The following MYO15A variants were observed in gnomAD, a reference collection of about 807,000 sequenced individuals.
MYO15A encodes the protein unconventional myosin-XV.
Under a neutral mutation model 394.6 loss-of-function variants are expected in MYO15A, and 308 were observed. That is an observed-to-expected ratio of 0.78 (90% CI 0.71 to 0.86). The LOEUF is 0.86. Ranked by LOEUF, MYO15A falls within the 40% of genes least tolerant of loss-of-function variation. The probability of loss-of-function intolerance (pLI) is 0.00; values close to 1 mark genes in which losing one functional copy is unlikely to be tolerated. For missense variants in MYO15A, 4,606 were observed against 4,799.1 expected (o/e 0.96, Z 1.19); for synonymous variants, 1,957 against 2,003.8 (o/e 0.98, Z 0.62).
chr17:18,159,832 G>A (rs558066737), intron 55 of MYO15A, 103 bp from the exon 56 acceptor site: 178 of 1,466,044 alleles, frequency 1.2e-4, no homozygotes, highest in Non-Finnish European at 1.5e-4. Context: ...CTGGGAAAGG[G>A]ACACCAGGCC....
chr17:18,169,157 T>TAATAAA (rs369888022), intron 62 of MYO15A, among the ~76,000 whole-genome samples: 4,806 of 91,492 alleles, frequency 0.053, 110 homozygotes, highest in Admixed American at 0.086. Flanking sequence ...ATAATAATAA[T>TAATAAA]AAAAATAGGC....
chr17:18,136,350 C>A, intron 13 of MYO15A, 67 bp from the exon 14 acceptor site: 1 of 1,591,514 alleles, frequency 6.3e-7, no homozygotes, highest in Non-Finnish European at 8.6e-7. Flanking sequence ...CTCCCTTAGT[C>A]CCCTGGGGGC....
intron 51 of MYO15A, 39 bp from the exon 52 acceptor site, chr17:18,158,484 T>A (rs2142390952): frequency 6.3e-7 from 1 of 1,576,206 alleles, no homozygotes; most frequent in African/African-American, 1.3e-5. Flanking sequence ...AGGCGTGGTG[T>A]GGCCGGACTG....
intron 3 of MYO15A, 192 bp from the exon 4 acceptor site, chr17:18,124,976 A>T: frequency 1.5e-6 from 1 of 646,736 alleles, no homozygotes; most frequent in Admixed American, 2.4e-5. Context: ...TGATTATCAT[A>T]CCCATTGGAC....
In MYO15A at chr17:18,156,321, C is replaced by A; in HGVS notation, c.8586C>A (p.Ile2862=). 6.2e-7 allele frequency: 1 copy of A among 1,614,170 alleles called. No homozygotes were observed. The highest frequency in any genetic ancestry group is 8.5e-7 in the Non-Finnish European group (1 of 1,180,018). ...TCAAGACCCTGGTAGATGACTTCAT[C>A]TTGGAGCTGAAGAAGGTCAGGATCT... ...HQVKTLVDDF[I]LELKKDSDYV... The change falls in exon 48 of 66, where the codon ATC becomes ATA. Residue 2862 remains isoleucine (I), a synonymous_variant. Coordinates refer to ENST00000647165, the MANE Select transcript of MYO15A (RefSeq NM_016239.4).
intron 64 of MYO15A, among the ~76,000 whole-genome samples, chr17:18,172,975 G>A (rs1032952453): frequency 3.9e-5 from 6 of 152,156 alleles, no homozygotes; most frequent in Non-Finnish European, 8.8e-5. Flanking sequence ...TAGACCCTGC[G>A]ACAGGGATTC....
rs970529274 is a variant in MYO15A, at chr17:18,147,924, C to A, written c.6510-105C>A. On this transcript the variant is annotated intron_variant, in intron 30 of 65. Coordinates refer to ENST00000647165, the MANE Select transcript of MYO15A (RefSeq NM_016239.4). The surrounding 1 kb of genome is among the most constrained non-coding windows in gnomAD (Gnocchi z 4.4). ...CCTTGGAGCTCTGGAGTAGCCTGGGCCTTTCTCAGACTAGCCTCAGAATTT... is the reference window on the plus strand; with the variant it reads ...CCTTGGAGCTCTGGAGTAGCCTGGGACTTTCTCAGACTAGCCTCAGAATTT... The A allele has an allele frequency of 1.7e-5, 24 of 1,409,076 alleles. No individual in the cohort carries two copies. In the Admixed American group the frequency reaches 3.6e-4, roughly 21 times the overall value. 87.3% of individuals were successfully genotyped at this position (1,409,076 alleles called of 1,614,324 possible).
At chr17:18,130,222 G>A (rs1001045237) in intron 7 of MYO15A, among the ~76,000 whole-genome samples, 3 of 152,072 alleles carry the variant, frequency 2.0e-5, no homozygotes, top group Admixed American at 2.0e-4. Flanking sequence ...ATTTTTGAGA[G>A]CCTATTAAGC....
chr17:18,160,474 G>A (rs2046758862), intron 56 of MYO15A, among the ~76,000 whole-genome samples: 1 of 152,138 alleles, frequency 6.6e-6, no homozygotes, highest in South Asian at 2.1e-4. Flanking sequence ...GCAGGTCTGG[G>A]GCAACAGCTC....
Position 18,148,606 on chromosome 17 carries a change from T to C in MYO15A, c.6764+38T>C. ...GATGCCCTCCCAGCACACTCTTATGTACCTGGAATGTTGTGGGGGGAGGTC... is the reference window on the plus strand; with the variant it reads ...GATGCCCTCCCAGCACACTCTTATGCACCTGGAATGTTGTGGGGGGAGGTC... On this transcript the variant is annotated intron_variant, in intron 32 of 65. Coordinates refer to ENST00000647165, the MANE Select transcript of MYO15A (RefSeq NM_016239.4). This position sits in a 1 kb window ranked among gnomAD's most constrained non-coding sequence, Gnocchi z 4.8. The C allele has an allele frequency of 6.5e-7, 1 of 1,549,926 alleles. No individual in the cohort carries two copies. The highest frequency in any genetic ancestry group is 8.7e-7 in the Non-Finnish European group (1 of 1,145,870).
chr17:18,124,974 A>T, intron 3 of MYO15A, 194 bp from the exon 4 acceptor site: 1 of 645,332 alleles, frequency 1.5e-6, no homozygotes, highest in Non-Finnish European at 2.8e-6. Flanking sequence ...AATGATTATC[A>T]TACCCATTGG....
chr17:18,139,253 C>T (rs1268317742), intron 18 of MYO15A: 1 of 605,426 alleles, frequency 1.7e-6, no homozygotes, highest in Admixed American at 2.8e-5. Context: ...ACATTCCTGC[C>T]CTGGAGGTGT....
Position 18,145,840 on chromosome 17 carries a change from G to A in MYO15A, c.6274-32G>A, listed in dbSNP as rs1049503691. Reference sequence around the variant, plus strand: ...TGGGGACTGGAAGGAACAACTTTCTGAGATGCCCAGGAGACTCTGTTCGTG... The same window carrying A: ...TGGGGACTGGAAGGAACAACTTTCTAAGATGCCCAGGAGACTCTGTTCGTG... On this transcript the variant is annotated intron_variant, in intron 29 of 65. Transcript: ENST00000647165. 7 of 1,607,682 alleles carry A rather than the reference G, an allele frequency of 4.4e-6. No homozygotes were observed. In the African/African-American group the frequency reaches 6.7e-5, roughly 15 times the overall value.
In MYO15A at chr17:18,155,410, C is replaced by G; in HGVS notation, c.8437C>G (p.Leu2813Val). Residue 2813 changes from leucine to valine, a missense_variant, in exon 47 of 66, where the codon CTG (leucine) becomes GTG (valine). Leu to Val is a conservative substitution (Grantham distance 32). This residue lies in a region of MYO15A where 2,776 missense variants were observed against 3,109.3 expected (regional missense o/e 0.89). Transcript: ENST00000647165. Reference sequence around the variant, plus strand: ...GGGTGGCCAGGAGGCCGGCGGGCAGCTGCGGGTCCTGCGTGCATACAGGTG... The same window carrying G: ...GGGTGGCCAGGAGGCCGGCGGGCAGGTGCGGGTCCTGCGTGCATACAGGTG... ...VKGGQEAGGQ[L>V]RVLRAYSFAD... 1 of 1,613,380 alleles carries G rather than the reference C, an allele frequency of 6.2e-7. No homozygotes were observed. Among genetic ancestry groups the G allele is most frequent in the Non-Finnish European group, 8.5e-7 (1 of 1,180,010 alleles).
Position 18,119,626 on chromosome 17 carries a change from G to GC in MYO15A, c.826_827insC (p.Asp276AlafsTer25). The GC allele has an allele frequency of 6.2e-7, 1 of 1,603,124 alleles. No homozygotes were observed. The highest frequency in any genetic ancestry group is 8.5e-7 in the Non-Finnish European group (1 of 1,179,888). On this transcript the variant is annotated frameshift_variant, in exon 2 of 66. Transcript: ENST00000647165. LOFTEE classifies it high-confidence loss of function. ...CAGCCCGGCCTGGCCACCCTACGGCGACCACTACTACGGGTACCCGCCCGA... is the reference window on the plus strand; with the variant it reads ...CAGCCCGGCCTGGCCACCCTACGGCGCACCACTACTACGGGTACCCGCCCGA...
Position 18,120,174 on chromosome 17 carries a change from C to G in MYO15A, c.1374C>G (p.Phe458Leu), listed in dbSNP as rs546359628. ...TSFRLPSAAF[F>L]EQQGMDKPAR... The stretch of plus-strand genomic sequence containing the variant: ...TCCGCCTGCCCAGCGCCGCCTTCTT[C>G]GAGCAGCAAGGCATGGATAAGCCCG... The change falls in exon 2 of 66, where the codon TTC (phenylalanine) becomes TTG (leucine). Residue 458 changes from phenylalanine to leucine, a missense_variant. Physicochemically the swap from Phe to Leu is conservative, Grantham distance 22. Around this residue, in one of 2 missense-constraint regions of MYO15A, gnomAD observed 1,830 missense variants for 1,689.7 expected, o/e 1.08. Transcript: ENST00000647165. 7.0e-5 allele frequency: 113 copies of G among 1,612,798 alleles called. No individual in the cohort carries two copies. The highest frequency in any genetic ancestry group is 9.2e-5 in the Non-Finnish European group (109 of 1,180,004).
rs191734753 is a variant in MYO15A, at chr17:18,174,672, T to G, written c.10491+751T>G. On this transcript the variant is annotated intron_variant, in intron 65 of 65. Transcript: ENST00000647165. ...CTCCTGTCCAAGTCTCACACCCCCC[T>G]GGGGTCAGGGCAGGACTAGCGTTTT... 2.6e-5 allele frequency among the ~76,000 whole-genome samples: 4 copies of G among 152,308 alleles called. No homozygotes were observed. The East Asian group carries it at 7.7e-4, about 29-fold the overall frequency.
In MYO15A at chr17:18,119,411, G is replaced by A; in HGVS notation, c.611G>A (p.Gly204Asp). Residue 204 changes from glycine (G) to aspartate (D), a missense_variant, in exon 2 of 66, where the codon GGC (glycine) becomes GAC (aspartate). Gly to Asp is a moderately conservative substitution (Grantham distance 94). Coordinates refer to ENST00000647165, the MANE Select transcript of MYO15A (RefSeq NM_016239.4). Reference sequence around the variant, plus strand: ...ATCTACGCGTCAGGCGAGCCCCTGGGCTTCCTGCCCTTCGAGGACGAGGCC... The same window carrying A: ...ATCTACGCGTCAGGCGAGCCCCTGGACTTCCTGCCCTTCGAGGACGAGGCC... ...RSIYASGEPL[G>D]FLPFEDEAPF... 2 of 1,611,942 alleles carry A rather than the reference G, an allele frequency of 1.2e-6. No homozygotes were observed. The highest frequency in any genetic ancestry group is 1.6e-4 in the Middle Eastern group (1 of 6,062).
At chr17:18,171,503 C>T (rs1471233716) in intron 62 of MYO15A, 135 bp from the exon 63 acceptor site, 1 of 1,357,406 alleles carries the variant, frequency 7.4e-7, no homozygotes, top group African/African-American at 1.4e-5. Flanking sequence ...CACTTTCAGC[C>T]CATTTACACT....
Sources: gnomAD v4.1 joint callset for allele counts (sites outside exome capture counted in the v4.1 genomes callset) on GRCh38, gnomAD v4.1.1 for gene constraint, gnomAD v4.1.1 regional missense constraint, Gnocchi (gnomAD v3.1) non-coding constraint, MANE v1.5 for transcripts, NCBI Gene and HGNC (gene_info 2026-07-23, HGNC 2026-07-21) for gene names.